MRTFA: variants seen among roughly 807,000 people sequenced by gnomAD.
MRTFA encodes myocardin-related transcription factor A.
Under a neutral mutation model 83.5 loss-of-function variants are expected in MRTFA, and 20 were observed. That is an observed-to-expected ratio of 0.24 (90% CI 0.17 to 0.35). MRTFA has a LOEUF of 0.35. MRTFA is among the 10% of genes least tolerant of loss of function. MRTFA has a pLI of 1.00. For missense variants in MRTFA, 1,200 were observed against 1,224.7 expected, an observed-to-expected ratio of 0.98 and a Z score of 0.30; for synonymous variants, 659 against 541.2, an observed-to-expected ratio of 1.22 and a Z score of -3.02.
At chr22:40,523,589 C>T (rs929365004) in intron 3 of MRTFA, 1 of 152,194 alleles carries the variant, frequency 6.6e-6, no homozygotes, top group African/African-American at 2.4e-5. Flanking sequence ...ATCTGCCCAC[C>T]CTGGCCTCCC....
At position 40,420,571 on chromosome 22, in the gene MRTFA, G is replaced by A. The variant is rs1336100435; in HGVS notation, c.1187C>T (p.Ala396Val). The change falls in exon 11 of 15, where the codon GCA becomes GTA. Residue 396 changes from alanine to valine, a missense_variant. Physicochemically the swap from Ala to Val is moderately conservative, Grantham distance 64. Transcript: ENST00000355630. Reference sequence around the variant, plus strand: ...CCCGCTGCTTCCCAGGGCCTCGCCTGCTGACCTGGGAAGAAAAGGCAGAAA... The same window carrying A: ...CCCGCTGCTTCCCAGGGCCTCGCCTACTGACCTGGGAAGAAAAGGCAGAAA... 1.9e-6 allele frequency: 3 copies of A among 1,613,008 alleles called. No homozygotes were observed. Among genetic ancestry groups the A allele is most frequent in the Non-Finnish European group, 2.5e-6 (3 of 1,179,834 alleles).
At chr22:40,589,356 A>T (rs532771597) in intron 2 of MRTFA, among the ~76,000 whole-genome samples, 1 of 152,238 alleles carries the variant, frequency 6.6e-6, no homozygotes, top group Non-Finnish European at 1.5e-5. Context: ...TGTGACCAAC[A>T]AAAGTGCCAA....
intron 1 of MRTFA, among the ~76,000 whole-genome samples, chr22:40,616,439 G>A (rs542692648): frequency 3.9e-5 from 6 of 152,276 alleles, no homozygotes; most frequent in East Asian, 1.9e-4. Context: ...AATGACGGAC[G>A]GAAGAAAACC....
At chr22:40,508,343 C>G (rs1447641593) in intron 3 of MRTFA, among the ~76,000 whole-genome samples, 1 of 151,652 alleles carries the variant, frequency 6.6e-6, no homozygotes, top group Non-Finnish European at 1.5e-5. Context: ...AACCCCACGT[C>G]TATTAAAAGT....
In MRTFA at chr22:40,411,428, C is replaced by G; in HGVS notation, c.3058G>C (p.Gly1020Arg). The G allele has an allele frequency of 6.3e-7, 1 of 1,577,310 alleles. No individual in the cohort carries two copies. The highest frequency in any genetic ancestry group is 8.7e-7 in the Non-Finnish European group (1 of 1,154,314). ...TCCCAGTGCAGCTGCAAATCATGGC[C>G]ATCGAGGAAGTCTGTGGAGAAGAGG... The change falls in exon 15 of 15, where the codon GGC becomes CGC. Residue 1020 changes from glycine (G) to arginine (R), a missense_variant. Physicochemically the swap from Gly to Arg is moderately radical, Grantham distance 125. Transcript: ENST00000355630.
chr22:40,609,492 A>AAAC (rs1205334470), intron 1 of MRTFA, among the ~76,000 whole-genome samples: 45 of 151,244 alleles, frequency 3.0e-4, no homozygotes, highest in African/African-American at 1.0e-3. Flanking sequence ...CAAAAAAAAA[A>AAAC]AAAAAAAAAA....
At chr22:40,441,816 G>GTA (rs754885390) in intron 4 of MRTFA, among the ~76,000 whole-genome samples, 1,638 of 119,960 alleles carry the variant, frequency 0.014, 14 homozygotes, top group South Asian at 0.033. Context: ...ATGTATGTAT[G>GTA]TGTATATATA....
intron 3 of MRTFA, among the ~76,000 whole-genome samples, chr22:40,524,605 G>A (rs2054930425): frequency 6.6e-6 from 1 of 152,076 alleles, no homozygotes; most frequent in Admixed American, 6.5e-5. Context: ...CTGGTCAGAG[G>A]GAACAGTTTA....
chr22:40,546,983 G>A (rs1301568633), intron 3 of MRTFA, among the ~76,000 whole-genome samples: 1 of 151,942 alleles, frequency 6.6e-6, no homozygotes, highest in South Asian at 2.1e-4. Context: ...GTGAAACCCT[G>A]TTTTTACTAA....
At chr22:40,506,088 GC>G (rs1247556387) in intron 3 of MRTFA, among the ~76,000 whole-genome samples, 43 of 152,126 alleles carry the variant, frequency 2.8e-4, no homozygotes, top group Admixed American at 2.8e-3. Context: ...AAAAAAATCA[GC>G]CGGGCATGGT....
intron 3 of MRTFA, among the ~76,000 whole-genome samples, chr22:40,542,252 G>T (rs1437494208): frequency 6.6e-6 from 1 of 151,204 alleles, no homozygotes; most frequent in Non-Finnish European, 1.5e-5. Context: ...TCTTTCATTT[G>T]TCAAACCACT....
intron 1 of MRTFA, among the ~76,000 whole-genome samples, chr22:40,617,571 C>G (rs2056467213): frequency 6.6e-6 from 1 of 151,558 alleles, no homozygotes; most frequent in Non-Finnish European, 1.5e-5. Context: ...CTAAAAAATA[C>G]AAAAAATTAG....
intron 1 of MRTFA, among the ~76,000 whole-genome samples, chr22:40,612,763 CATAG>C (rs1477068263): frequency 2.6e-5 from 4 of 152,164 alleles, no homozygotes; most frequent in Non-Finnish European, 5.9e-5. Flanking sequence ...GCCCGGACAA[CATAG>C]TAAGGCTCTG....
chr22:40,630,827 C>T (rs989204527), intron 1 of MRTFA, among the ~76,000 whole-genome samples: 11 of 152,340 alleles, frequency 7.2e-5, no homozygotes, highest in Admixed American at 2.6e-4. Context: ...CTCAGCCTCT[C>T]ACATGGCTGG....
intron 3 of MRTFA, among the ~76,000 whole-genome samples, chr22:40,497,485 T>C (rs957347088): frequency 3.3e-5 from 5 of 152,236 alleles, no homozygotes; most frequent in African/African-American, 4.8e-5. Flanking sequence ...TGGGTCAGGC[T>C]GGCTCACGCC....
chr22:40,629,798 A>G (rs1439655514), intron 1 of MRTFA, among the ~76,000 whole-genome samples: 1 of 151,442 alleles, frequency 6.6e-6, no homozygotes, highest in Non-Finnish European at 1.5e-5. Flanking sequence ...AAAAAAAAAA[A>G]AATTAGCCAA....
chr22:40,438,772 GA>G lies in MRTFA; in HGVS notation c.308-3219del, dbSNP rs373900436. 2.4e-3 allele frequency among the ~76,000 whole-genome samples: 351 copies of G among 147,666 alleles called. 2 individuals carry two copies. The highest frequency in any genetic ancestry group is 7.5e-3 in the African/African-American group (300 of 40,260). The stretch of plus-strand genomic sequence containing the variant: ...AATTTTGTCATAGGTCACATGTATA[GA>G]AAAAAAAAACACAGTACGTATAGGA... On this transcript the variant is annotated intron_variant, in intron 4 of 14. Transcript: ENST00000355630.
intron 2 of MRTFA, among the ~76,000 whole-genome samples, chr22:40,563,431 A>C (rs2055658317): frequency 6.6e-6 from 1 of 151,936 alleles, no homozygotes; most frequent in Non-Finnish European, 1.5e-5. Flanking sequence ...AACTTAATAA[A>C]TATTTGTTAA....
chr22:40,497,528 G>A (rs2054376513), intron 3 of MRTFA, among the ~76,000 whole-genome samples: 1 of 152,094 alleles, frequency 6.6e-6, no homozygotes, highest in Non-Finnish European at 1.5e-5. Flanking sequence ...GCCAAAACAG[G>A]TGGATCACAA....
Sources: allele counts gnomAD v4.1 joint callset (sites outside exome capture counted in the v4.1 genomes callset), GRCh38; gene constraint gnomAD v4.1.1; transcripts MANE v1.5; gene names NCBI Gene and HGNC (gene_info 2026-07-23, HGNC 2026-07-21).